Variants in SLC25A30 observed in about 807,000 individuals in gnomAD.
SLC25A30 encodes the protein solute carrier family 25 member 30.
A neutral mutation model predicts 42.7 loss-of-function variants in SLC25A30; 29 were observed. The ratio of observed to expected loss-of-function variants is 0.68; its 90% CI spans 0.51 to 0.93. The LOEUF is 0.93. Ranked by LOEUF, SLC25A30 falls within the 40% of genes least tolerant of loss-of-function variation. The pLI is 0.00. For missense variants in SLC25A30, 300 were observed against 359.7 expected, an observed-to-expected ratio of 0.83 and a Z score of 1.34; for synonymous variants, 124 against 131.0, an observed-to-expected ratio of 0.95 and a Z score of 0.37.
chr13:45,411,159 C>T (rs568170506), intron 2 of SLC25A30, among the ~76,000 whole-genome samples: 12 of 151,930 alleles, frequency 7.9e-5, no homozygotes, highest in African/African-American at 2.7e-4. Context: ...AGGCTGGTGT[C>T]GAACTCCTGG....
intron 1 of SLC25A30, among the ~76,000 whole-genome samples, chr13:45,416,377 C>T (rs1156694132): frequency 2.0e-5 from 3 of 151,582 alleles, no homozygotes; most frequent in African/African-American, 4.8e-5. Flanking sequence ...CACTGCACCC[C>T]GGCCTGGGCA....
intron 6 of SLC25A30, among the ~76,000 whole-genome samples, chr13:45,401,948 TACTC>T (rs1483042225): frequency 2.0e-5 from 3 of 151,624 alleles, no homozygotes; most frequent in Non-Finnish European, 4.4e-5. Context: ...TAATCCCAGT[TACTC>T]AGGAGGCTGA....
upstream of SLC25A30, among the ~76,000 whole-genome samples, chr13:45,423,335 T>A (rs1302966842): frequency 2.0e-5 from 3 of 151,516 alleles, no homozygotes; most frequent in Non-Finnish European, 2.9e-5. Context: ...GGGAAACTCA[T>A]GTGAAGTCTG....
chr13:45,408,893 A>AC, intron 3 of SLC25A30, 34 bp downstream of exon 3: 1 of 1,574,954 alleles, frequency 6.3e-7, no homozygotes, highest in South Asian at 1.2e-5. Flanking sequence ...GAAACAGTGA[A>AC]CAGTGACACA....
chr13:45,403,891 C>T (rs1593609704), intron 5 of SLC25A30, among the ~76,000 whole-genome samples: 1 of 149,148 alleles, frequency 6.7e-6, no homozygotes. Context: ...GAGTTGACAT[C>T]GTGCCACTGC....
the SLC25A30 span, among the ~76,000 whole-genome samples, chr13:45,429,317 C>T: frequency 6.6e-6 from 1 of 151,944 alleles, no homozygotes; most frequent in Non-Finnish European, 1.5e-5. Flanking sequence ...TATCTGCCTG[C>T]TTCAGCCTCC....
rs200916682 is a variant in SLC25A30, at chr13:45,411,388, C to T, written c.38G>A (p.Gly13Glu). ...ALNWKPFVYG[G>E]LASITAECGT... ...GCACTCAGCAGTGATGGAGGCCAGCCCCCCGTACACAAACGGCTTCCAGTT... is the reference window on the plus strand; with the variant it reads ...GCACTCAGCAGTGATGGAGGCCAGCTCCCCGTACACAAACGGCTTCCAGTT... The change falls in exon 2 of 10, where the codon GGG (glycine) becomes GAG (glutamate). Residue 13 changes from glycine (G) to glutamate (E), a missense_variant. Transcript: ENST00000519676. 5.6e-6 allele frequency: 9 copies of T among 1,614,134 alleles called. No individual in the cohort carries two copies. The African/African-American group carries it at 9.3e-5, about 17-fold the overall frequency.
intron 9 of SLC25A30, 38 bp from the exon 10 acceptor site, chr13:45,396,053 T>C: frequency 1.2e-6 from 2 of 1,614,126 alleles, no homozygotes; most frequent in Non-Finnish European, 1.7e-6. Flanking sequence ...GAAAATGCCA[T>C]CTTCACAACT....
At chr13:45,398,405 G>A (rs1881584941) in intron 8 of SLC25A30, 1 of 151,734 alleles carries the variant, frequency 6.6e-6, no homozygotes, top group South Asian at 2.1e-4. Context: ...CTACGCATGT[G>A]CCTATGTAAC....
At chr13:45,407,544 G>A (rs997553714) in intron 3 of SLC25A30, among the ~76,000 whole-genome samples, 3 of 152,074 alleles carry the variant, frequency 2.0e-5, no homozygotes, top group African/African-American at 7.2e-5. Flanking sequence ...GGGTGACAAA[G>A]CAAGACCCTG....
At chr13:45,424,426 AAT>A in the SLC25A30 span, among the ~76,000 whole-genome samples, 50 of 45,426 alleles carry the variant, frequency 1.1e-3, 1 homozygote, top group South Asian at 4.4e-3. Flanking sequence ...TAAATATATG[AAT>A]ATATATATAA....
In SLC25A30 at chr13:45,411,388, C is replaced by A. The variant is rs200916682; in HGVS notation, c.38G>T (p.Gly13Val). The change falls in exon 2 of 10, where the codon GGG becomes GTG. Residue 13 changes from glycine (G) to valine (V), a missense_variant. Coordinates refer to ENST00000519676, the MANE Select transcript of SLC25A30 (RefSeq NM_001010875.4). ...GCACTCAGCAGTGATGGAGGCCAGCCCCCCGTACACAAACGGCTTCCAGTT... is the reference window on the plus strand; with the variant it reads ...GCACTCAGCAGTGATGGAGGCCAGCACCCCGTACACAAACGGCTTCCAGTT... ...ALNWKPFVYG[G>V]LASITAECGT... 1.2e-6 allele frequency: 2 copies of A among 1,614,016 alleles called. No individual in the cohort carries two copies. The highest frequency in any genetic ancestry group is 2.7e-5 in the African/African-American group (2 of 74,930).
rs1306181896 is a variant in SLC25A30, at chr13:45,411,225, C to G, written c.64+137G>C. 4.1e-6 allele frequency: 3 copies of G among 727,688 alleles called. No individual in the cohort carries two copies. The African/African-American group carries it at 5.2e-5, about 13-fold the overall frequency. The allele number at this position is 727,688 out of a possible 1,614,324, so 45.1% of individuals were successfully genotyped here. A position where few individuals can be genotyped will look rare whatever the true frequency, so the allele number is the denominator to read the frequency against. On this transcript the variant is annotated intron_variant, in intron 2 of 9. Transcript: ENST00000519676. ...AAAGTGCTGAGATTATAGGCGTGAG[C>G]CACCACACCCAGCTAACAGACATTT...
chr13:45,401,494 A>C (rs1217403192), intron 6 of SLC25A30, among the ~76,000 whole-genome samples: 1 of 152,164 alleles, frequency 6.6e-6, no homozygotes, highest in Non-Finnish European at 1.5e-5. Context: ...GAGAGATCAC[A>C]CTGGATGATC....
At chr13:45,429,430 G>T in the SLC25A30 span, among the ~76,000 whole-genome samples, 1 of 152,042 alleles carries the variant, frequency 6.6e-6, no homozygotes, top group Non-Finnish European at 1.5e-5. Context: ...GCTAATGGAG[G>T]ATATTCTTCC....
intron 7 of SLC25A30, among the ~76,000 whole-genome samples, chr13:45,399,561 C>T (rs1881717504): frequency 6.6e-6 from 1 of 152,040 alleles, no homozygotes; most frequent in African/African-American, 2.4e-5. Context: ...CAAGAAGAGC[C>T]ATATCTAGAG....
the SLC25A30 span, among the ~76,000 whole-genome samples, chr13:45,423,542 A>G: frequency 2.2e-5 from 2 of 92,728 alleles, no homozygotes; most frequent in Non-Finnish European, 2.2e-5. Context: ...ATACAAATAT[A>G]TATAAATACA....
chr13:45,420,513 T>A (rs1388518695), upstream of SLC25A30: 1 of 152,210 alleles, frequency 6.6e-6, no homozygotes, highest in East Asian at 1.9e-4. Context: ...CTTTCCAGAC[T>A]CATGACTGTG....
chr13:45,425,088 A>ATGT, the SLC25A30 span, among the ~76,000 whole-genome samples: 94 of 3,008 alleles, frequency 0.031, 13 homozygotes, highest in African/African-American at 0.048. Flanking sequence ...ATAAATATAT[A>ATGT]AATATATTTA....
Sources: allele counts gnomAD v4.1 joint callset (sites outside exome capture counted in the v4.1 genomes callset), GRCh38; gene constraint gnomAD v4.1.1; transcripts MANE v1.5; gene names NCBI Gene and HGNC (gene_info 2026-07-23, HGNC 2026-07-21).